Variants in PHC2 observed in about 807,000 individuals in gnomAD.
PHC2 encodes the protein polyhomeotic-like protein 2.
PHC2 carries 29 observed loss-of-function variants against 87.4 expected under a neutral mutation model. The ratio of observed to expected loss-of-function variants is 0.33; its 90% CI spans 0.25 to 0.45. The LOEUF is 0.45. Ranked by LOEUF, PHC2 falls within the 20% of genes least tolerant of loss-of-function variation. The pLI is 1.00. For synonymous variants in PHC2, 438 were observed against 461.7 expected, an observed-to-expected ratio of 0.95 and a Z score of 0.66; for missense variants, 857 against 1,136.7, an observed-to-expected ratio of 0.75 and a Z score of 3.54.
At position 33,334,431 on chromosome 1, in the gene PHC2, C is replaced by T. The variant is rs1196199090; in HGVS notation, c.1559-139G>A. On this transcript the variant is annotated intron_variant, in intron 9 of 14. Transcript: ENST00000683057. This position sits in a 1 kb window ranked among gnomAD's most constrained non-coding sequence, Gnocchi z 5.5. ...ACAATGCAAACCAAGCAGTCCCCTC[C>T]CCTCAGTGACCCATTTAAAAGTGGC... 1.0e-5 allele frequency: 7 copies of T among 685,980 alleles called. No individual in the cohort carries two copies. The East Asian group carries it at 1.6e-4, about 16-fold the overall frequency. The allele number at this position is 685,980 out of a possible 1,614,324, so 42.5% of individuals were successfully genotyped here. A position where few individuals can be genotyped will look rare whatever the true frequency, so the allele number is the denominator to read the frequency against.
In PHC2 at chr1:33,364,623, C is replaced by T. The variant is rs1055931023; in HGVS notation, c.976+2493G>A. The stretch of plus-strand genomic sequence containing the variant: ...GAGGCCCTGAGAGGACCTTCCCCTA[C>T]TAAAACTCCCCAGCTGCCTTCCATA... On this transcript the variant is annotated intron_variant, in intron 7 of 14. Coordinates refer to ENST00000683057, the MANE Select transcript of PHC2 (RefSeq NM_001385109.1). The surrounding 1 kb of genome is among the most constrained non-coding windows in gnomAD (Gnocchi z 4.1). 2.0e-5 allele frequency among the ~76,000 whole-genome samples: 3 copies of T among 152,186 alleles called. No individual in the cohort carries two copies. The highest frequency in any genetic ancestry group is 2.0e-4 in the Admixed American group (3 of 15,284).
intron 1 of PHC2, among the ~76,000 whole-genome samples, chr1:33,390,534 C>T (rs553908513): frequency 2.6e-5 from 4 of 152,326 alleles, no homozygotes; most frequent in South Asian, 4.1e-4. Flanking sequence ...CCAACCACCA[C>T]CATCCGCCCC....
intron 1 of PHC2, among the ~76,000 whole-genome samples, chr1:33,426,692 A>G (rs1470885325): frequency 6.6e-6 from 1 of 152,174 alleles, no homozygotes; most frequent in Non-Finnish European, 1.5e-5. Context: ...GCAAACTCAC[A>G]GAGTCCAAAA....
chr1:33,423,405 G>A (rs866868747), intron 1 of PHC2, among the ~76,000 whole-genome samples: 4 of 152,008 alleles, frequency 2.6e-5, no homozygotes, highest in Admixed American at 6.6e-5. Context: ...CATCCATCCC[G>A]TACAGCTAAA....
chr1:33,419,703 G>A (rs1204414928), intron 1 of PHC2, among the ~76,000 whole-genome samples: 1 of 152,092 alleles, frequency 6.6e-6, no homozygotes, highest in African/African-American at 2.4e-5. Context: ...TCCACCTCCC[G>A]GGTTCATGCC....
chr1:33,356,474 AT>A (rs1647088689), intron 7 of PHC2, among the ~76,000 whole-genome samples: 1 of 150,552 alleles, frequency 6.6e-6, no homozygotes, highest in Admixed American at 6.6e-5. Context: ...GGTACTTGAG[AT>A]TAGGGAGCGG....
At chr1:33,417,476 C>G (rs571511524) in intron 1 of PHC2, among the ~76,000 whole-genome samples, 2 of 151,850 alleles carry the variant, frequency 1.3e-5, no homozygotes, top group Non-Finnish European at 2.9e-5. Flanking sequence ...AAGAAAGCTG[C>G]AATGATTATA....
intron 1 of PHC2, among the ~76,000 whole-genome samples, chr1:33,400,195 T>C (rs1445416987): frequency 6.6e-6 from 1 of 152,220 alleles, no homozygotes. Flanking sequence ...GGTAAGAATA[T>C]AATTTGGAAT....
In PHC2 at chr1:33,368,184, T is replaced by C. The variant is rs890248551; in HGVS notation, c.663+352A>G. Among the ~76,000 whole-genome samples, 5 of 152,198 alleles carry C rather than the reference T, an allele frequency of 3.3e-5. No homozygotes were observed. The highest frequency in any genetic ancestry group is 2.6e-4 in the Admixed American group (4 of 15,282). On this transcript the variant is annotated intron_variant, in intron 6 of 14. Transcript: ENST00000683057. This position sits in a 1 kb window ranked among gnomAD's most constrained non-coding sequence, Gnocchi z 6.6. The stretch of plus-strand genomic sequence containing the variant: ...CTCGAGTCCTAGCAGCACTACCGTG[T>C]GTAACCGGAGCGGGACTTTCCACTT...
chr1:33,350,680 T>C (rs1646955051), intron 9 of PHC2, among the ~76,000 whole-genome samples: 1 of 152,202 alleles, frequency 6.6e-6, no homozygotes, highest in Non-Finnish European at 1.5e-5. Flanking sequence ...TTGCCTTCCT[T>C]AGTATTCATA....
intron 1 of PHC2, among the ~76,000 whole-genome samples, chr1:33,392,308 C>G (rs750085837): frequency 6.6e-5 from 10 of 152,212 alleles, no homozygotes; most frequent in Non-Finnish European, 1.2e-4. Context: ...ATAACAGATA[C>G]AGTTCTAAAC....
chr1:33,379,328 GCCCCCCA>G (rs1648356808), intron 1 of PHC2, among the ~76,000 whole-genome samples: 1 of 21,608 alleles, frequency 4.6e-5, no homozygotes, highest in Non-Finnish European at 8.7e-5. Flanking sequence ...CTGCCCCCCT[GCCCCCCA>G]CCCCCCCACC....
intron 9 of PHC2, chr1:33,335,427 G>T: frequency 1.4e-6 from 1 of 705,268 alleles, no homozygotes; most frequent in Non-Finnish European, 1.7e-6. Context: ...ATACCCCAGT[G>T]AGGTATGAGT....
chr1:33,340,542 C>G (rs1038622640), intron 9 of PHC2, among the ~76,000 whole-genome samples: 4 of 152,248 alleles, frequency 2.6e-5, no homozygotes, highest in Non-Finnish European at 4.4e-5. Flanking sequence ...AAGCTGAGGA[C>G]AGAGTGCCCA....
chr1:33,354,419 G>A lies in PHC2; in HGVS notation c.1540C>T (p.Gln514Ter). 1 of 1,613,426 alleles carries A rather than the reference G, an allele frequency of 6.2e-7. No homozygotes were observed. Among genetic ancestry groups the A allele is most frequent in the Non-Finnish European group, 8.5e-7 (1 of 1,179,778 alleles). Reference protein sequence around the residue: ...GLPVPTSPNIQPSPAHETGQG... With the variant: ...GLPVPTSPNI ...TTCATACCGTGAGCTGGGGACGGCT[G>A]GATGTTAGGGCTCGTGGGTACAGGC... Residue 514 changes from glutamine (Q) to a stop codon, truncating the protein, a stop_gained, in exon 9 of 15, where the codon CAG (glutamine) becomes TAG (stop). Transcript: ENST00000683057. LOFTEE classifies it high-confidence loss of function.
At chr1:33,409,443 G>T (rs989710270) in intron 1 of PHC2, among the ~76,000 whole-genome samples, 4 of 152,110 alleles carry the variant, frequency 2.6e-5, no homozygotes, top group African/African-American at 9.7e-5. Context: ...TAAAAAACTA[G>T]AAGGATATAA....
chr1:33,358,057 G>A (rs1202554623), intron 7 of PHC2, among the ~76,000 whole-genome samples: 1 of 152,166 alleles, frequency 6.6e-6, no homozygotes, highest in Non-Finnish European at 1.5e-5. Flanking sequence ...GAGGAGGTCT[G>A]GGCTAGGTGA....
Position 33,354,986 on chromosome 1 carries a change from T to G in PHC2, c.1244A>C (p.His415Pro). The G allele has an allele frequency of 6.2e-7, 1 of 1,614,166 alleles. No homozygotes were observed. The highest frequency in any genetic ancestry group is 8.5e-7 in the Non-Finnish European group (1 of 1,180,040). Reference sequence around the variant, plus strand: ...ACACTGCTGACTGCCGCCAGGCTTGTGCAGGTTGGCAGTGGGACACTGGAG... The same window carrying G: ...ACACTGCTGACTGCCGCCAGGCTTGGGCAGGTTGGCAGTGGGACACTGGAG... ...LPLQCPTANL[H>P]KPGGSQQCHP... Residue 415 changes from histidine (H) to proline (P), a missense_variant, in exon 8 of 15, where the codon CAC (histidine) becomes CCC (proline). Coordinates refer to ENST00000683057, the MANE Select transcript of PHC2 (RefSeq NM_001385109.1).
At chr1:33,384,243 G>A (rs929111721) in intron 1 of PHC2, among the ~76,000 whole-genome samples, 3 of 152,180 alleles carry the variant, frequency 2.0e-5, no homozygotes, top group Non-Finnish European at 2.9e-5. Context: ...GAAATTCTGG[G>A]AGCAGGGCTC....
Sources: allele counts gnomAD v4.1 joint callset (sites outside exome capture counted in the v4.1 genomes callset), GRCh38; gene constraint gnomAD v4.1.1; non-coding constraint Gnocchi (gnomAD v3.1); transcripts MANE v1.5; gene names NCBI Gene and HGNC (gene_info 2026-07-23, HGNC 2026-07-21).